The following DIPK2B variants were observed in gnomAD, a reference collection of about 807,000 sequenced individuals.
The protein encoded by DIPK2B is divergent protein kinase domain 2B, also known as UPF0672 protein CXorf36.
In DIPK2B, 15 loss-of-function variants were observed where a neutral mutation model predicts 22.2. The ratio of observed to expected loss-of-function variants is 0.68; its 90% confidence interval spans 0.45 to 1.04. DIPK2B has a LOEUF of 1.04. DIPK2B is among the 50% of genes least tolerant of loss of function. The pLI is 0.00. For synonymous variants in DIPK2B, 163 were observed against 153.2 expected, an observed-to-expected ratio of 1.06 and a Z score of -0.47; for missense variants, 345 against 348.3, an observed-to-expected ratio of 0.99 and a Z score of 0.08.
intron 2 of DIPK2B, among the ~76,000 whole-genome samples, chrX:45,171,538 C>A (rs1234467856): frequency 9.0e-6 from 1 of 111,137 alleles, no homozygotes; most frequent in East Asian, 2.8e-4. Context: ...CCAGCCCTCA[C>A]CCTACCCACT....
chrX:45,186,765 G>T (rs1365814316), intron 2 of DIPK2B, among the ~76,000 whole-genome samples: 1 of 111,879 alleles, frequency 8.9e-6, no homozygotes, highest in African/African-American at 3.3e-5. Flanking sequence ...AGAACGAATC[G>T]AATATGGTCT....
At chrX:45,171,771 C>T (rs760980024) in intron 2 of DIPK2B, among the ~76,000 whole-genome samples, 12 of 112,882 alleles carry the variant, frequency 1.1e-4, no homozygotes, top group Non-Finnish European at 2.1e-4. Context: ...GCTATATAGG[C>T]CTTGTGCTAT....
intron 1 of DIPK2B, among the ~76,000 whole-genome samples, chrX:45,196,017 T>C (rs1473984330): frequency 8.9e-6 from 1 of 112,507 alleles, no homozygotes; most frequent in Non-Finnish European, 1.9e-5. Context: ...ATATTTCCTA[T>C]ACTCTATTTT....
At chrX:45,162,161 A>G (rs1284495098) in intron 2 of DIPK2B, 2 of 120,802 alleles carry the variant, frequency 1.7e-5, no homozygotes, top group Non-Finnish European at 3.2e-5. Context: ...GCCAGCCCCA[A>G]TTTGCCAGCC....
intron 1 of DIPK2B, 75 bp from the exon 2 acceptor site, chrX:45,192,090 G>A (rs761233472): frequency 2.0e-6 from 2 of 981,535 alleles, no homozygotes; most frequent in Admixed American, 3.4e-5. Context: ...GGAAGACAGG[G>A]GACAATAGCC....
intron 2 of DIPK2B, among the ~76,000 whole-genome samples, chrX:45,164,982 G>A (rs781161008): frequency 2.7e-5 from 3 of 111,007 alleles, no homozygotes; most frequent in Non-Finnish European, 3.8e-5. Context: ...AAAGATGGGG[G>A]GACAAGCCTG....
At chrX:45,156,880 T>C (rs1168904778) in intron 3 of DIPK2B, among the ~76,000 whole-genome samples, 1 of 110,077 alleles carries the variant, frequency 9.1e-6, no homozygotes, top group Non-Finnish European at 1.9e-5. Flanking sequence ...TACCTGCACC[T>C]TTTCCCCCTC....
intron 2 of DIPK2B, among the ~76,000 whole-genome samples, chrX:45,166,289 G>T (rs1424104622): frequency 1.8e-5 from 2 of 111,116 alleles, no homozygotes; most frequent in Non-Finnish European, 3.8e-5. Flanking sequence ...CCAAGTACTG[G>T]GCCAGGGATG....
At chrX:45,187,513 C>A (rs1011014596) in intron 2 of DIPK2B, among the ~76,000 whole-genome samples, 4 of 108,953 alleles carry the variant, frequency 3.7e-5, no homozygotes, top group Middle Eastern at 4.7e-3. Context: ...CACACTGCAT[C>A]GTTTCACTTT....
At chrX:45,153,386 C>T (rs1603092921) in intron 4 of DIPK2B, among the ~76,000 whole-genome samples, 1 of 109,771 alleles carries the variant, frequency 9.1e-6, no homozygotes, top group South Asian at 3.9e-4. Context: ...CAAAATATAC[C>T]AGTGAATCAG....
chrX:45,151,944 C>A lies in DIPK2B; in HGVS notation c.1010G>T (p.Cys337Phe), dbSNP rs1424306782. The change falls in exon 5 of 5, where the codon TGC becomes TTC. Residue 337 changes from cysteine (C) to phenylalanine (F), a missense_variant. By Grantham distance (205) the Cys-to-Phe change is radical (BLOSUM62 -2). Transcript: ENST00000398000. ...RAGENKDIFS[C>F]LVSGCQAQLP... ...CTGGGCCTGGCAGCCGGAAACCAGG[C>A]AGCTAAAAATGTCTTTATTCTCTCC... is the stretch of plus-strand genomic sequence containing the variant. The A allele has an allele frequency of 8.4e-7, 1 of 1,195,442 alleles. No homozygotes were observed.
chrX:45,192,587 C>T (rs1040637793), intron 1 of DIPK2B, among the ~76,000 whole-genome samples: 2 of 110,929 alleles, frequency 1.8e-5, no homozygotes, highest in Non-Finnish European at 3.8e-5. Flanking sequence ...AGGGAGACCA[C>T]TCTACCTCCA....
chrX:45,156,109 G>A (rs2046993492), intron 3 of DIPK2B, among the ~76,000 whole-genome samples: 1 of 108,272 alleles, frequency 9.2e-6, no homozygotes, highest in Non-Finnish European at 1.9e-5. Context: ...TGAGATTGCA[G>A]GTGCATCCCA....
intron 2 of DIPK2B, among the ~76,000 whole-genome samples, chrX:45,174,842 C>T (rs2047107677): frequency 9.0e-6 from 1 of 111,130 alleles, no homozygotes; most frequent in African/African-American, 3.3e-5. Flanking sequence ...ATGTGTATCC[C>T]CCCAAAAATC....
chrX:45,159,152 G>A (rs1191960171), intron 2 of DIPK2B, among the ~76,000 whole-genome samples: 1 of 110,489 alleles, frequency 9.1e-6, no homozygotes, highest in Non-Finnish European at 1.9e-5. Context: ...GGGGGCGGGG[G>A]TGGGGATAAG....
rs371073724 is a variant in DIPK2B at position 45,195,297 on chromosome X, A to AGTTCCTGATT, written c.234-3292_234-3283dup. 8.0e-3 allele frequency among the ~76,000 whole-genome samples: 890 copies of AGTTCCTGATT among 111,262 alleles called. 6 individuals are homozygous for AGTTCCTGATT. The highest frequency in any genetic ancestry group is 0.028 in the African/African-American group (850 of 30,572). ...GGCCTGACTGAAGTGAGGCTGGCCA[A>AGTTCCTGATT]GTTCCTGATTGTGTTGAAAGATGGA... On this transcript the variant is annotated intron_variant, in intron 1 of 4. Transcript: ENST00000398000.
chrX:45,167,799 C>G (rs2148338848), intron 2 of DIPK2B, among the ~76,000 whole-genome samples: 1 of 111,669 alleles, frequency 9.0e-6, no homozygotes, highest in Admixed American at 9.4e-5. Flanking sequence ...ATTCTCCTGC[C>G]TCAGCCTCCC....
intron 3 of DIPK2B, 62 bp from the exon 4 acceptor site, chrX:45,154,260 A>G: frequency 4.1e-6 from 4 of 963,879 alleles, no homozygotes; most frequent in Non-Finnish European, 4.2e-6. Context: ...CTATCTGTCT[A>G]TTATCTCTAT....
intron 4 of DIPK2B, among the ~76,000 whole-genome samples, chrX:45,153,521 T>A (rs192340168): frequency 0.083 from 7,974 of 96,608 alleles, 361 homozygotes; most frequent in African/African-American, 0.16. Context: ...TGTGTGTGTG[T>A]GACAGAGAGA....
Sources: allele counts gnomAD v4.1 joint callset (sites outside exome capture counted in the v4.1 genomes callset), GRCh38; gene constraint gnomAD v4.1.1; transcripts MANE v1.5; gene names NCBI Gene and HGNC (gene_info 2026-07-23, HGNC 2026-07-21).